CCDC102B: variants seen among roughly 807,000 people sequenced by gnomAD.
CCDC102B encodes the protein coiled-coil domain containing 102B, also known as coiled-coil domain-containing protein 102B.
Under a neutral mutation model 57.4 loss-of-function variants are expected in CCDC102B, and 75 were observed. The ratio of observed to expected loss-of-function variants is 1.31; its 90% CI spans 1.08 to 1.58. CCDC102B has a LOEUF of 1.58. Among genes scored for constraint, CCDC102B ranks in the 40% most tolerant of loss-of-function variants. CCDC102B has a pLI of 0.00. For missense variants in CCDC102B, 636 were observed against 582.6 expected (o/e 1.09, Z -0.94); for synonymous variants, 206 against 201.9 (o/e 1.02, Z -0.17).
chr18:68,803,556 G>A lies in CCDC102B; in HGVS notation c.-16+5375G>A, dbSNP rs1473535286. Among the ~76,000 whole-genome samples the A allele has an allele frequency of 2.6e-5, 4 of 152,196 alleles. No homozygotes were observed. The East Asian group carries it at 7.7e-4, about 29-fold the overall frequency. On this transcript the variant is annotated intron_variant, in intron 1 of 7. Transcript: ENST00000360242. ...TATAAAGGAAATCACATGTGCTAAA[G>A]TCTTAAGTCAGAAGAATGTCCCTTC...
At chr18:68,929,528 G>T (rs2041595323) in intron 6 of CCDC102B, among the ~76,000 whole-genome samples, 1 of 151,920 alleles carries the variant, frequency 6.6e-6, no homozygotes, top group African/African-American at 2.4e-5. Context: ...AAAACAGGAG[G>T]CCTGAGCCTG....
At chr18:68,800,187 T>C (rs548509454) in intron 1 of CCDC102B, among the ~76,000 whole-genome samples, 31 of 152,136 alleles carry the variant, frequency 2.0e-4, no homozygotes, top group Admixed American at 9.2e-4. Flanking sequence ...AAGCCACAGA[T>C]AAAGAAAGTG....
intron 6 of CCDC102B, 28 bp downstream of exon 6, chr18:68,897,456 C>G: frequency 6.2e-7 from 1 of 1,602,844 alleles, no homozygotes; most frequent in Non-Finnish European, 8.5e-7. Context: ...AGCAAATTCT[C>G]ACTGTCTAAT....
At chr18:68,835,474 C>G (rs900629190) in intron 1 of CCDC102B, among the ~76,000 whole-genome samples, 27 of 152,272 alleles carry the variant, frequency 1.8e-4, no homozygotes, top group Admixed American at 1.5e-3. Context: ...TTCTCTCACC[C>G]ACCAGACTGT....
chr18:68,864,266 A>G lies in CCDC102B; in HGVS notation c.937-10403A>G, dbSNP rs564359307. ...TGTTCCTTCTAGTTTATTCTGAAAC[A>G]ATTTTTCTTTTCCTATATTTTCTAT... On this transcript the variant is annotated intron_variant, in intron 4 of 7. Coordinates refer to ENST00000360242, the MANE Select transcript of CCDC102B (RefSeq NM_024781.3). 3.8e-4 allele frequency among the ~76,000 whole-genome samples: 58 copies of G among 152,136 alleles called. No homozygotes were observed. The South Asian group carries it at 0.012, about 31-fold the overall frequency.
chr18:68,928,817 G>A (rs1411066567), intron 6 of CCDC102B, among the ~76,000 whole-genome samples: 2 of 151,852 alleles, frequency 1.3e-5, no homozygotes, highest in Admixed American at 6.6e-5. Flanking sequence ...TTTCTTGGCA[G>A]CTGGATTTTA....
intron 6 of CCDC102B, among the ~76,000 whole-genome samples, chr18:68,916,900 G>A (rs945947564): frequency 1.3e-5 from 2 of 152,188 alleles, no homozygotes; most frequent in African/African-American, 4.8e-5. Flanking sequence ...CCCAAGGTCT[G>A]GACAGGAGCC....
chr18:68,866,678 C>G, intron 4 of CCDC102B: 1 of 428,646 alleles, frequency 2.3e-6, no homozygotes, highest in Non-Finnish European at 4.5e-6. Context: ...CTTTATCTTG[C>G]CATAGCACTG....
intron 2 of CCDC102B, among the ~76,000 whole-genome samples, chr18:68,733,508 T>TATATATA (rs1568222920): frequency 0.031 from 2,812 of 90,318 alleles, 89 homozygotes; most frequent in Non-Finnish European, 0.039. Context: ...ATATATATAT[T>TATATATA]TTTTTAACTT....
At chr18:68,986,269 G>A (rs941809154) in intron 6 of CCDC102B, among the ~76,000 whole-genome samples, 8 of 152,212 alleles carry the variant, frequency 5.3e-5, no homozygotes, top group Middle Eastern at 3.4e-3. Context: ...ACTGAATCCA[G>A]CAGCACATCA....
At chr18:68,716,538 A>C (rs1025458515) in exon 2 of CCDC102B, 3 of 152,200 alleles carry the variant, frequency 2.0e-5, no homozygotes, top group African/African-American at 7.2e-5. Context: ...TAAACTCAAA[A>C]ACTGACACTC....
chr18:68,855,650 A>T (rs1323489823), intron 4 of CCDC102B, among the ~76,000 whole-genome samples: 1 of 152,136 alleles, frequency 6.6e-6, no homozygotes, highest in Non-Finnish European at 1.5e-5. Context: ...AGAGCCTGAG[A>T]ATACCATTAA....
chr18:68,988,979 C>T (rs999342488), intron 6 of CCDC102B, among the ~76,000 whole-genome samples: 2 of 152,136 alleles, frequency 1.3e-5, no homozygotes, highest in Non-Finnish European at 2.9e-5. Flanking sequence ...CATTTTGATT[C>T]ATTTATTTCT....
intron 7 of CCDC102B, among the ~76,000 whole-genome samples, chr18:69,049,844 A>G (rs987784624): frequency 1.3e-5 from 2 of 151,214 alleles, no homozygotes; most frequent in African/African-American, 2.4e-5. Flanking sequence ...GAGTCTCACT[A>G]TGTTGCCCAG....
Position 68,977,894 on chromosome 18 carries a change from T to G in CCDC102B, c.1264-33040T>G, listed in dbSNP as rs77124920. 1.6e-3 allele frequency among the ~76,000 whole-genome samples: 248 copies of G among 152,092 alleles called. 1 individual carries two copies. Among genetic ancestry groups the G allele is most frequent in the Non-Finnish European group, 1.5e-3 (105 of 67,942 alleles). On this transcript the variant is annotated intron_variant, in intron 6 of 7. Transcript: ENST00000360242. Reference sequence around the variant, plus strand: ...TTTGTTTTGGCTAGATCAGCCCATATGGAGACGCTGAACACAGTAACCTTG... The same window carrying G: ...TTTGTTTTGGCTAGATCAGCCCATAGGGAGACGCTGAACACAGTAACCTTG...
At chr18:68,992,497 A>G (rs1254079525) in intron 6 of CCDC102B, among the ~76,000 whole-genome samples, 2 of 152,200 alleles carry the variant, frequency 1.3e-5, no homozygotes, top group East Asian at 1.9e-4. Context: ...TTTTCAATGA[A>G]CAATGATCCA....
chr18:68,850,977 T>G (rs2038097062), intron 4 of CCDC102B, among the ~76,000 whole-genome samples: 1 of 152,172 alleles, frequency 6.6e-6, no homozygotes, highest in South Asian at 2.1e-4. Flanking sequence ...TTTAAAAGAC[T>G]TTATCAAACT....
chr18:69,014,978 A>AGAGAGTGTGTGTGTGT (rs139377520), intron 7 of CCDC102B, among the ~76,000 whole-genome samples: 1 of 139,332 alleles, frequency 7.2e-6, no homozygotes, highest in East Asian at 2.2e-4. Context: ...AGAGAGAGAG[A>AGAGAGTGTGTGTGTGT]GTGTGTGTGT....
intron 4 of CCDC102B, among the ~76,000 whole-genome samples, chr18:68,851,101 A>G (rs924487046): frequency 6.6e-6 from 1 of 152,232 alleles, no homozygotes; most frequent in Admixed American, 6.5e-5. Context: ...ATGAATAAAT[A>G]TGCTTAATAT....
Sources: gnomAD v4.1 joint callset for allele counts (sites outside exome capture counted in the v4.1 genomes callset) on GRCh38, gnomAD v4.1.1 for gene constraint, MANE v1.5 for transcripts, NCBI Gene and HGNC (gene_info 2026-07-23, HGNC 2026-07-21) for gene names.